The following RAB28 variants were observed in gnomAD, a reference collection of about 807,000 sequenced individuals.
RAB28 encodes ras-related protein Rab-28.
Under a neutral mutation model 31.7 loss-of-function variants are expected in RAB28, and 24 were observed. The observed-to-expected ratio is 0.76, with a 90% CI of 0.55 to 1.06. The LOEUF is 1.06. RAB28 is among the 50% of genes least tolerant of loss of function. The pLI is 0.00. For synonymous variants in RAB28, 100 were observed against 90.4 expected, an observed-to-expected ratio of 1.11 and a Z score of -0.60; for missense variants, 254 against 258.5, an observed-to-expected ratio of 0.98 and a Z score of 0.12.
At chr4:13,427,691 A>T (rs1713582250) in intron 4 of RAB28, among the ~76,000 whole-genome samples, 1 of 152,212 alleles carries the variant, frequency 6.6e-6, no homozygotes, top group African/African-American at 2.4e-5. Context: ...TTGAGCAAAT[A>T]AGAACCAGGA....
intron 4 of RAB28, among the ~76,000 whole-genome samples, chr4:13,403,504 T>C (rs774060137): frequency 7.2e-5 from 11 of 152,228 alleles, no homozygotes; most frequent in Non-Finnish European, 1.0e-4. Context: ...AGTCCCCTTA[T>C]ATTCCAGACT....
intron 4 of RAB28, among the ~76,000 whole-genome samples, chr4:13,405,364 A>C (rs1198722149): frequency 1.3e-5 from 2 of 152,218 alleles, no homozygotes; most frequent in Non-Finnish European, 2.9e-5. Context: ...GTTGATACTG[A>C]AAAGCAGTAA....
chr4:13,426,249 G>A (rs538142776), intron 4 of RAB28, among the ~76,000 whole-genome samples: 60 of 152,172 alleles, frequency 3.9e-4, no homozygotes, highest in African/African-American at 1.3e-3. Context: ...GAGGAAGGGA[G>A]GGCAAAAAGA....
intron 6 of RAB28, chr4:13,370,860 T>A (rs1048080968): frequency 1.0e-6 from 1 of 956,604 alleles, no homozygotes; most frequent in Non-Finnish European, 1.2e-6. Context: ...AAGAAACTAT[T>A]TATTTTTACC....
intron 4 of RAB28, among the ~76,000 whole-genome samples, chr4:13,438,727 A>T (rs1714261039): frequency 6.6e-6 from 1 of 152,112 alleles, no homozygotes; most frequent in Non-Finnish European, 1.5e-5. Flanking sequence ...TGTTTTGAAT[A>T]TTTGTATATA....
intron 3 of RAB28, among the ~76,000 whole-genome samples, chr4:13,472,442 T>C (rs539680109): frequency 9.3e-4 from 141 of 151,766 alleles, no homozygotes; most frequent in Non-Finnish European, 1.8e-3. Flanking sequence ...GACTTGAAGA[T>C]AGAATTAACA....
rs567282188 is a variant in RAB28 at position 13,368,503 on chromosome 4, G to C, written c.*55C>G. 2.6e-5 allele frequency: 41 copies of C among 1,558,920 alleles called. No homozygotes were observed. The highest frequency in any genetic ancestry group is 3.5e-5 in the Non-Finnish European group (40 of 1,157,770). On this transcript the variant is annotated 3_prime_UTR_variant, in exon 7 of 7. Transcript: ENST00000330852. ...TAAAACAAGTTCCTAGAAGTCCTCG[G>C]GCCCACCCAGAGGTGAAGGGCAGCC...
intron 4 of RAB28, among the ~76,000 whole-genome samples, chr4:13,423,487 G>A (rs902303064): frequency 6.6e-6 from 1 of 151,202 alleles, no homozygotes; most frequent in Non-Finnish European, 1.5e-5. Flanking sequence ...CCGTCTCGGG[G>A]GGGAAAAAAA....
At chr4:13,453,835 C>T (rs867272414) in intron 4 of RAB28, among the ~76,000 whole-genome samples, 2 of 152,134 alleles carry the variant, frequency 1.3e-5, no homozygotes, top group African/African-American at 2.4e-5. Flanking sequence ...ACTTCAGGTT[C>T]TTTGAGCTTC....
intron 2 of RAB28, among the ~76,000 whole-genome samples, chr4:13,476,722 A>G (rs1389107620): frequency 6.6e-6 from 1 of 151,560 alleles, no homozygotes; most frequent in Non-Finnish European, 1.5e-5. Flanking sequence ...AGAATATTCA[A>G]ATAATATTAT....
intron 4 of RAB28, among the ~76,000 whole-genome samples, chr4:13,390,750 A>G (rs1729589922): frequency 6.6e-6 from 1 of 152,178 alleles, no homozygotes; most frequent in Non-Finnish European, 1.5e-5. Flanking sequence ...AAATAATGCC[A>G]CACATCTACA....
Position 13,410,155 on chromosome 4 carries a change from C to T in RAB28, c.392-28561G>A, listed in dbSNP as rs150569529. Among the ~76,000 whole-genome samples, 59 of 152,222 alleles carry T rather than the reference C, an allele frequency of 3.9e-4. No homozygotes were observed. The East Asian group carries it at 7.7e-3, about 20-fold the overall frequency. On this transcript the variant is annotated intron_variant, in intron 4 of 6. Transcript: ENST00000330852. ...CCAGCCATGTTTCCTGTACAGCCTA[C>T]GGGACTTTGAGTCTATTAAACCTCT... is the stretch of plus-strand genomic sequence containing the variant.
At chr4:13,454,012 C>T (rs1398377470) in intron 4 of RAB28, among the ~76,000 whole-genome samples, 5 of 151,942 alleles carry the variant, frequency 3.3e-5, no homozygotes, top group African/African-American at 9.7e-5. Flanking sequence ...TAATCCTATA[C>T]ATTTTCTTCA....
At chr4:13,436,046 T>G (rs1714084613) in intron 4 of RAB28, among the ~76,000 whole-genome samples, 1 of 152,124 alleles carries the variant, frequency 6.6e-6, no homozygotes. Context: ...TCAAGGATGG[T>G]TCAGCATATA....
chr4:13,430,945 A>G (rs1713774259), intron 4 of RAB28, among the ~76,000 whole-genome samples: 1 of 152,194 alleles, frequency 6.6e-6, no homozygotes, highest in Non-Finnish European at 1.5e-5. Flanking sequence ...AGAGACGTGG[A>G]GAGAGGGTCA....
At chr4:13,407,935 T>G (rs530758040) in intron 4 of RAB28, among the ~76,000 whole-genome samples, 213 of 152,316 alleles carry the variant, frequency 1.4e-3, no homozygotes, top group African/African-American at 5.1e-3. Flanking sequence ...TGGGGTTTTC[T>G]AAATATACAA....
chr4:13,399,459 G>A (rs1206897744), intron 4 of RAB28, among the ~76,000 whole-genome samples: 1 of 152,156 alleles, frequency 6.6e-6, no homozygotes, highest in East Asian at 1.9e-4. Context: ...AAGATACATA[G>A]CAGAGAACTG....
At chr4:13,464,473 G>A (rs182158334) in intron 3 of RAB28, among the ~76,000 whole-genome samples, 7 of 152,124 alleles carry the variant, frequency 4.6e-5, no homozygotes, top group Middle Eastern at 3.4e-3. Flanking sequence ...TCACAGTCCC[G>A]AAATACAAGC....
intron 4 of RAB28, among the ~76,000 whole-genome samples, chr4:13,449,431 G>A (rs1385220375): frequency 6.6e-6 from 1 of 151,830 alleles, no homozygotes; most frequent in Non-Finnish European, 1.5e-5. Flanking sequence ...ATTGTATTGA[G>A]ACCATAAGTA....
Sources: gnomAD v4.1 joint callset for allele counts (sites outside exome capture counted in the v4.1 genomes callset) on GRCh38, gnomAD v4.1.1 for gene constraint, MANE v1.5 for transcripts, NCBI Gene and HGNC (gene_info 2026-07-23, HGNC 2026-07-21) for gene names.